SAMD4A: variants seen among roughly 807,000 people sequenced by gnomAD.
SAMD4A encodes the protein protein Smaug homolog 1.
Under a neutral mutation model 81.3 loss-of-function variants are expected in SAMD4A, and 33 were observed. The ratio of observed to expected loss-of-function variants is 0.41; its 90% CI spans 0.31 to 0.54. The LOEUF is 0.54. Ranked by LOEUF, SAMD4A falls within the 20% of genes least tolerant of loss-of-function variation. SAMD4A has a pLI of 0.37. For synonymous variants in SAMD4A, 389 were observed against 382.1 expected (o/e 1.02, Z -0.21); for missense variants, 854 against 951.1 (o/e 0.90, Z 1.34).
chr14:54,745,136 C>G (rs1402339647), intron 4 of SAMD4A, among the ~76,000 whole-genome samples: 1 of 152,212 alleles, frequency 6.6e-6, no homozygotes, highest in Non-Finnish European at 1.5e-5. Flanking sequence ...TCACTGTCAC[C>G]ATCCGCCAGG....
chr14:54,727,446 C>T (rs1277072656), intron 3 of SAMD4A, among the ~76,000 whole-genome samples: 2 of 152,054 alleles, frequency 1.3e-5, no homozygotes, highest in Non-Finnish European at 2.9e-5. Flanking sequence ...GCCTCGGCCT[C>T]CCAAAGTGCT....
At chr14:54,583,029 C>T (rs369466822) in intron 2 of SAMD4A, among the ~76,000 whole-genome samples, 5 of 152,210 alleles carry the variant, frequency 3.3e-5, no homozygotes, top group South Asian at 4.1e-4. Context: ...CTGCAACCTC[C>T]GCCTCCTGGG....
rs1442260105 is a variant in SAMD4A at position 54,710,826 on chromosome 14, TA to T, written c.715+8247del. Among the ~76,000 whole-genome samples the T allele has an allele frequency of 1.4e-4, 21 of 152,358 alleles. 1 individual carries two copies. In the East Asian group the frequency reaches 3.9e-3, roughly 28 times the overall value. On this transcript the variant is annotated intron_variant, in intron 3 of 12. Transcript: ENST00000554335. ...TTCCCGACTGTGAGCTCCTTGGGGA[TA>T]GGGGTTGTATCTTCTTTATCCGTAT...
At chr14:54,737,937 G>A (rs1010183377) in intron 4 of SAMD4A, among the ~76,000 whole-genome samples, 2 of 111,452 alleles carry the variant, frequency 1.8e-5, no homozygotes, top group Admixed American at 1.9e-4. Context: ...TTCCTCCATT[G>A]CCTTGTGAAT....
intron 9 of SAMD4A, 44 bp from the exon 10 acceptor site, chr14:54,774,890 G>C: frequency 6.2e-7 from 1 of 1,601,132 alleles, no homozygotes; most frequent in South Asian, 1.1e-5. Flanking sequence ...AAAAAGGGCT[G>C]AATAACGACT....
intron 3 of SAMD4A, among the ~76,000 whole-genome samples, chr14:54,717,440 C>CAAAAAAAAA (rs921636353): frequency 1.0e-5 from 1 of 98,916 alleles, no homozygotes; most frequent in African/African-American, 3.7e-5. Context: ...GACCCTGTCT[C>CAAAAAAAAA]AAAAAAAAAA....
chr14:54,699,335 T>C (rs975253210), intron 2 of SAMD4A, among the ~76,000 whole-genome samples: 5 of 152,202 alleles, frequency 3.3e-5, no homozygotes, highest in Non-Finnish European at 7.3e-5. Context: ...GAGAGTTGTC[T>C]TGTGTCAGGT....
At chr14:54,650,890 T>G (rs867911207) in intron 2 of SAMD4A, among the ~76,000 whole-genome samples, 2 of 152,218 alleles carry the variant, frequency 1.3e-5, no homozygotes, top group African/African-American at 4.8e-5. Context: ...ACCTTTTAGT[T>G]ATTTTCTTTC....
In SAMD4A at chr14:54,568,097, G is replaced by C; in HGVS notation, c.181G>C (p.Glu61Gln). The C allele has an allele frequency of 6.5e-7, 1 of 1,549,694 alleles. No homozygotes were observed. The highest frequency in any genetic ancestry group is 8.6e-7 in the Non-Finnish European group (1 of 1,156,268). ...CGCCGAGCTGCACGTCCTCGAACGC[G>C]AGGCCAACAGCCCCGGTAAGTGTGC... The part of the protein sequence containing the change: ...DCAELHVLER[E>Q]ANSPGIINQW... Residue 61 changes from glutamate (E) to glutamine (Q), a missense_variant, in exon 2 of 13, where the codon GAG becomes CAG. Physicochemically the swap from Glu to Gln is conservative, Grantham distance 29. Around this residue, in one of 3 missense-constraint regions of SAMD4A, gnomAD observed 387 missense variants for 405.8 expected, o/e 0.95. Transcript: ENST00000554335.
At chr14:54,744,698 T>C (rs898774153) in intron 4 of SAMD4A, among the ~76,000 whole-genome samples, 1 of 152,138 alleles carries the variant, frequency 6.6e-6, no homozygotes, top group African/African-American at 2.4e-5. Context: ...CACTTCCCCC[T>C]GAAAGTCTGC....
chr14:54,761,928 C>T (rs2038409271), intron 7 of SAMD4A, among the ~76,000 whole-genome samples: 1 of 152,164 alleles, frequency 6.6e-6, no homozygotes, highest in Non-Finnish European at 1.5e-5. Context: ...CTTCATTAGT[C>T]TGCAGCACAG....
At chr14:54,605,299 T>C (rs35697749) in intron 2 of SAMD4A, among the ~76,000 whole-genome samples, 2,984 of 152,134 alleles carry the variant, frequency 0.02, 44 homozygotes, top group Non-Finnish European at 0.032. Flanking sequence ...GCATAATTAA[T>C]GGAAACTATC....
rs371033597 is a variant in SAMD4A, at chr14:54,788,927, C to T, written c.2140C>T (p.Arg714Trp). ...TEHALGDGVD[R>W]TSTI is the part of the protein sequence containing the mutation. The stretch of plus-strand genomic sequence containing the variant: ...GCTTTCTCTCCCAGACGGGGTTGAC[C>T]GGACCTCCACCATCTAGAAGCTGAA... Residue 714 changes from arginine to tryptophan, a missense_variant, in exon 13 of 13, where the codon CGG becomes TGG. Physicochemically the swap from Arg to Trp is moderately radical, Grantham distance 101. Transcript: ENST00000554335. 5 of 1,614,070 alleles carry T rather than the reference C, an allele frequency of 3.1e-6. No homozygotes were observed. The highest frequency in any genetic ancestry group is 1.3e-5 in the African/African-American group (1 of 74,922).
chr14:54,566,139 AGCAGCGGCGGCT>A (rs1250760147), upstream of SAMD4A, among the ~76,000 whole-genome samples: 2 of 151,944 alleles, frequency 1.3e-5, no homozygotes, highest in South Asian at 2.1e-4. Flanking sequence ...TGGAGGCAGC[AGCAGCGGCGGCT>A]GCAGCGGCCC....
At chr14:54,686,665 A>G (rs751450085) in intron 2 of SAMD4A, among the ~76,000 whole-genome samples, 3 of 151,934 alleles carry the variant, frequency 2.0e-5, no homozygotes, top group Non-Finnish European at 4.4e-5. Flanking sequence ...CGGATGCTTT[A>G]TTTTGCTTTG....
chr14:54,784,952 G>A (rs1407719239), intron 12 of SAMD4A, among the ~76,000 whole-genome samples: 2 of 152,186 alleles, frequency 1.3e-5, no homozygotes, highest in African/African-American at 4.8e-5. Flanking sequence ...CAAGTGCCAG[G>A]CCTGGAGGAG....
intron 2 of SAMD4A, among the ~76,000 whole-genome samples, chr14:54,641,673 A>G (rs577273218): frequency 1.8e-3 from 273 of 152,338 alleles, no homozygotes; most frequent in Non-Finnish European, 2.4e-3. Flanking sequence ...CCCAATATTC[A>G]CACTCAAGTC....
chr14:54,683,941 T>C (rs2036190209), intron 2 of SAMD4A, among the ~76,000 whole-genome samples: 1 of 152,182 alleles, frequency 6.6e-6, no homozygotes. Flanking sequence ...AATATTGCCA[T>C]AGAAAAGAGT....
intron 2 of SAMD4A, among the ~76,000 whole-genome samples, chr14:54,577,186 T>G (rs1053449370): frequency 3.3e-5 from 5 of 152,242 alleles, no homozygotes; most frequent in Non-Finnish European, 7.3e-5. Flanking sequence ...ATGTATCCAT[T>G]ATTCCCCTCT....
Sources: allele counts gnomAD v4.1 joint callset (sites outside exome capture counted in the v4.1 genomes callset), GRCh38; gene constraint gnomAD v4.1.1; regional missense constraint gnomAD v4.1.1; transcripts MANE v1.5; gene names NCBI Gene and HGNC (gene_info 2026-07-23, HGNC 2026-07-21).